The following PRELID2 variants were observed in gnomAD, a reference collection of about 807,000 sequenced individuals.
The protein encoded by PRELID2 is PRELI domain containing 2.
In PRELID2, 25 loss-of-function variants were observed where a neutral mutation model predicts 28.4. The observed-to-expected ratio is 0.88, with a 90% CI of 0.64 to 1.23. The LOEUF (loss-of-function observed/expected upper bound fraction) is 1.23, where lower values mean the gene tolerates loss of function less well. Among genes scored for constraint, PRELID2 ranks in the 50% most tolerant of loss-of-function variants. The pLI is 0.00. For missense variants in PRELID2, 201 were observed against 214.4 expected, an observed-to-expected ratio of 0.94 and a Z score of 0.39; for synonymous variants, 76 against 71.6, an observed-to-expected ratio of 1.06 and a Z score of -0.31.
chr5:145,532,636 C>T (rs1166265978), intron 1 of PRELID2, among the ~76,000 whole-genome samples: 1 of 152,064 alleles, frequency 6.6e-6, no homozygotes, highest in Non-Finnish European at 1.5e-5. Context: ...GCCCCCAGCC[C>T]CTGGTAACCA....
chr5:145,684,705 T>C (rs941704391), intron 1 of PRELID2, among the ~76,000 whole-genome samples: 7 of 152,188 alleles, frequency 4.6e-5, no homozygotes, highest in African/African-American at 1.7e-4. Flanking sequence ...TCCCTGCTCT[T>C]AACCACCATT....
intron 1 of PRELID2, among the ~76,000 whole-genome samples, chr5:145,544,567 G>T (rs1379514695): frequency 1.3e-5 from 2 of 152,060 alleles, no homozygotes; most frequent in African/African-American, 4.8e-5. Context: ...TCTAGCTTAG[G>T]ATCACAGCTA....
At chr5:145,307,318 A>C in the PRELID2 span, among the ~76,000 whole-genome samples, 1 of 152,328 alleles carries the variant, frequency 6.6e-6, no homozygotes, top group South Asian at 2.1e-4. Flanking sequence ...AGGGAGGCTC[A>C]CACAGCAGGT....
At chr5:145,396,883 T>C in the PRELID2 span, among the ~76,000 whole-genome samples, 2 of 150,920 alleles carry the variant, frequency 1.3e-5, no homozygotes, top group African/African-American at 4.9e-5. Flanking sequence ...AGACAGGGAA[T>C]TTGAAAAAAA....
chr5:145,545,065 G>C (rs558704636), intron 1 of PRELID2, among the ~76,000 whole-genome samples: 42 of 152,252 alleles, frequency 2.8e-4, no homozygotes, highest in Non-Finnish European at 5.4e-4. Flanking sequence ...AGAGTTTAGA[G>C]AATCACAAAA....
At chr5:145,309,140 G>T in the PRELID2 span, among the ~76,000 whole-genome samples, 1 of 152,202 alleles carries the variant, frequency 6.6e-6, no homozygotes, top group East Asian at 1.9e-4. Flanking sequence ...TGTGGTGTTT[G>T]ATGCCTGAGG....
At chr5:145,689,006 A>G (rs567823428) in intron 1 of PRELID2, among the ~76,000 whole-genome samples, 43 of 152,344 alleles carry the variant, frequency 2.8e-4, no homozygotes, top group African/African-American at 9.1e-4. Flanking sequence ...TGGGAGATCC[A>G]AAAGGAGATA....
At chr5:145,489,844 C>T (rs762017728) in intron 1 of PRELID2, among the ~76,000 whole-genome samples, 23 of 152,144 alleles carry the variant, frequency 1.5e-4, no homozygotes, top group Admixed American at 6.5e-5. Context: ...CTGTCGTTAG[C>T]TTTCTTTCAG....
chr5:145,384,822 C>G, the PRELID2 span, among the ~76,000 whole-genome samples: 3 of 152,074 alleles, frequency 2.0e-5, no homozygotes. Flanking sequence ...CAGGCTCTCA[C>G]GAGAAGTCAC....
the PRELID2 span, among the ~76,000 whole-genome samples, chr5:145,391,707 T>C: frequency 6.6e-6 from 1 of 151,432 alleles, no homozygotes; most frequent in Non-Finnish European, 1.5e-5. Flanking sequence ...TTCTATTGCA[T>C]CATCAGGCTG....
At chr5:145,554,458 A>G (rs143027129) in intron 1 of PRELID2, among the ~76,000 whole-genome samples, 1 of 152,336 alleles carries the variant, frequency 6.6e-6, no homozygotes, top group Admixed American at 6.5e-5. Context: ...GAGAAGTTTC[A>G]GAGATGTGAT....
At chr5:145,791,335 A>G (rs1752379438) in intron 5 of PRELID2, among the ~76,000 whole-genome samples, 1 of 152,188 alleles carries the variant, frequency 6.6e-6, no homozygotes. Context: ...TAGCCAAACC[A>G]TATCAGGTGA....
intron 1 of PRELID2, among the ~76,000 whole-genome samples, chr5:145,519,845 G>A (rs1367020791): frequency 1.4e-4 from 21 of 152,164 alleles, no homozygotes; most frequent in Admixed American, 1.4e-3. Context: ...GGAGGTGCTA[G>A]GTTAGCCTCT....
At chr5:145,259,285 G>A in the PRELID2 span, among the ~76,000 whole-genome samples, 1 of 152,196 alleles carries the variant, frequency 6.6e-6, no homozygotes, top group Admixed American at 6.5e-5. Flanking sequence ...GCACTGCCTA[G>A]TGGAGCTATG....
intron 1 of PRELID2, among the ~76,000 whole-genome samples, chr5:145,733,394 T>C (rs1024058366): frequency 6.6e-6 from 1 of 152,136 alleles, no homozygotes; most frequent in Admixed American, 6.5e-5. Flanking sequence ...TAATATAAAA[T>C]CTGCACAATT....
At chr5:145,766,888 C>A (rs989795010) in intron 5 of PRELID2, among the ~76,000 whole-genome samples, 1 of 152,028 alleles carries the variant, frequency 6.6e-6, no homozygotes, top group Non-Finnish European at 1.5e-5. Context: ...AACAGACTCC[C>A]AAGAGTCTAC....
At chr5:145,669,784 G>C (rs1754669376) in intron 1 of PRELID2, among the ~76,000 whole-genome samples, 1 of 152,060 alleles carries the variant, frequency 6.6e-6, no homozygotes, top group Non-Finnish European at 1.5e-5. Context: ...TCACATGCTA[G>C]TCACTTTCTT....
intron 1 of PRELID2, among the ~76,000 whole-genome samples, chr5:145,705,757 T>C (rs1020221934): frequency 7.9e-5 from 12 of 152,190 alleles, no homozygotes; most frequent in Non-Finnish European, 1.6e-4. Flanking sequence ...GAAAACAAAA[T>C]AGATGTGCTT....
At chr5:145,288,041 A>G in the PRELID2 span, among the ~76,000 whole-genome samples, 1 of 152,130 alleles carries the variant, frequency 6.6e-6, no homozygotes, top group Non-Finnish European at 1.5e-5. Flanking sequence ...TTTTCATCAT[A>G]TCATATCCAG....
Sources: gnomAD v4.1 joint callset for allele counts (sites outside exome capture counted in the v4.1 genomes callset) on GRCh38, gnomAD v4.1.1 for gene constraint, MANE v1.5 for transcripts, NCBI Gene and HGNC (gene_info 2026-07-23, HGNC 2026-07-21) for gene names.